CFHR2: variants seen among roughly 807,000 people sequenced by gnomAD.
CFHR2 encodes the protein complement factor H-related protein 2.
CFHR2 carries 22 observed loss-of-function variants against 21.7 expected under a neutral mutation model. The observed-to-expected ratio is 1.01, with a 90% CI of 0.72 to 1.45. The LOEUF is 1.45. Ranked by LOEUF, CFHR2 falls within the 40% of genes most tolerant of loss-of-function variation. The probability of loss-of-function intolerance (pLI) is 0.00; values close to 1 mark genes in which losing one functional copy is unlikely to be tolerated. For missense variants in CFHR2, 294 were observed against 293.3 expected (o/e 1.00, Z -0.02); for synonymous variants, 98 against 97.4 (o/e 1.01, Z -0.04).
intron 1 of CFHR2, among the ~76,000 whole-genome samples, chr1:196,946,998 G>A (rs1158355495): frequency 6.6e-6 from 1 of 152,114 alleles, no homozygotes; most frequent in Non-Finnish European, 1.5e-5. Flanking sequence ...ACACTGCTAT[G>A]TTATGATGGC....
intron 1 of CFHR2, among the ~76,000 whole-genome samples, chr1:196,948,700 TG>T (rs1316333079): frequency 6.6e-6 from 1 of 152,156 alleles, no homozygotes; most frequent in Non-Finnish European, 1.5e-5. Flanking sequence ...GTCTTTTTAT[TG>T]TTTTTTTCCG....
chr1:196,958,816 A>G (rs570454914), intron 4 of CFHR2, 65 bp from the exon 5 acceptor site: 1 of 1,055,300 alleles, frequency 9.5e-7, no homozygotes, highest in South Asian at 1.5e-5. Flanking sequence ...TTCTACTTGA[A>G]AACCTGAGTC....
chr1:196,949,345 C>G, intron 1 of CFHR2, 110 bp from the exon 2 acceptor site: 1 of 1,052,722 alleles, frequency 9.5e-7, no homozygotes, highest in Non-Finnish European at 1.4e-6. Context: ...AAGCTAAAGG[C>G]ATTTAAGCTA....
chr1:196,946,472 A>G (rs1050723821), intron 1 of CFHR2, among the ~76,000 whole-genome samples: 1 of 152,182 alleles, frequency 6.6e-6, no homozygotes, highest in African/African-American at 2.4e-5. Context: ...AGCTTAAAAA[A>G]CATTGTAGAG....
At chr1:196,950,453 T>G (rs1659681968) in intron 2 of CFHR2, among the ~76,000 whole-genome samples, 1 of 151,742 alleles carries the variant, frequency 6.6e-6, no homozygotes, top group African/African-American at 2.4e-5. Context: ...CCTTTTTGGT[T>G]TTTTGTTTGT....
Position 196,959,308 on chromosome 1 carries a change from A to G in CFHR2, c.*228A>G, listed in dbSNP as rs1023008955. The G allele has an allele frequency of 5.1e-5, 22 of 431,332 alleles. No individual in the cohort carries two copies. The highest frequency in any genetic ancestry group is 3.7e-4 in the Admixed American group (9 of 24,176). The allele number at this position is 431,332 out of a possible 1,614,324, so 26.7% of individuals were successfully genotyped here. ...GGAATTGTCTTTTTTTTTCTTTTTAAAAAAATTGACAATAACTGTATATAT... is the reference window on the plus strand; with the variant it reads ...GGAATTGTCTTTTTTTTTCTTTTTAGAAAAATTGACAATAACTGTATATAT... On this transcript the variant is annotated 3_prime_UTR_variant, in exon 5 of 5. Coordinates refer to ENST00000367415, the MANE Select transcript of CFHR2 (RefSeq NM_005666.4).
At chr1:196,953,838 T>G (rs1182256591) in intron 3 of CFHR2, among the ~76,000 whole-genome samples, 1 of 152,216 alleles carries the variant, frequency 6.6e-6, no homozygotes, top group Non-Finnish European at 1.5e-5. Context: ...ATTTCAATTT[T>G]TTGTGTATAC....
At chr1:196,958,204 A>G (rs1652972477) in intron 4 of CFHR2, 131 bp downstream of exon 4, 5 of 737,972 alleles carry the variant, frequency 6.8e-6, no homozygotes, top group African/African-American at 5.5e-5. Flanking sequence ...CCAAATGTCT[A>G]TATGATAGAA....
chr1:196,956,222 C>G lies in CFHR2; in HGVS notation c.431-1669C>G, dbSNP rs182932037. On this transcript the variant is annotated intron_variant, in intron 3 of 4. Transcript: ENST00000367415. ...TGCAATAAATGATGTGAATGCAAAACAGAGCAATCTCAAGTGCTCCAGCTA... is the reference window on the plus strand; with the variant it reads ...TGCAATAAATGATGTGAATGCAAAAGAGAGCAATCTCAAGTGCTCCAGCTA... Among the ~76,000 whole-genome samples the G allele has an allele frequency of 6.7e-3, 1,013 of 152,286 alleles. 13 individuals are homozygous for G. The highest frequency in any genetic ancestry group is 0.023 in the African/African-American group (972 of 41,562).
At chr1:196,949,763 A>T in intron 2 of CFHR2, 114 bp downstream of exon 2, 4 of 1,314,820 alleles carry the variant, frequency 3.0e-6, no homozygotes, top group Non-Finnish European at 4.3e-6. Flanking sequence ...AGGAGCTGGA[A>T]AGATGGGAGA....
rs140462951 is a variant in CFHR2, at chr1:196,946,607, A to G, written c.58+2669A>G. Reference sequence around the variant, plus strand: ...AGACACAAACACACATATTAACCTCAGCCTACAAAGGGTTAGGATCATCAG... The same window carrying G: ...AGACACAAACACACATATTAACCTCGGCCTACAAAGGGTTAGGATCATCAG... On this transcript the variant is annotated intron_variant, in intron 1 of 4. Coordinates refer to ENST00000367415, the MANE Select transcript of CFHR2 (RefSeq NM_005666.4). 7.6e-3 allele frequency among the ~76,000 whole-genome samples: 1,157 copies of G among 152,254 alleles called. 18 individuals carry two copies. Among genetic ancestry groups the G allele is most frequent in the African/African-American group, 0.027 (1,105 of 41,552 alleles).
At chr1:196,957,031 T>C (rs964918145) in intron 3 of CFHR2, among the ~76,000 whole-genome samples, 15 of 152,228 alleles carry the variant, frequency 9.9e-5, no homozygotes, top group African/African-American at 2.9e-4. Flanking sequence ...TATCTAGAAG[T>C]GTGGAGGGTG....
intron 2 of CFHR2, among the ~76,000 whole-genome samples, chr1:196,950,325 A>G (rs972290332): frequency 6.6e-5 from 10 of 152,136 alleles, no homozygotes; most frequent in African/African-American, 2.4e-4. Context: ...AACAACATGA[A>G]ATATTTTCTT....
At chr1:196,946,853 A>G (rs1659514269) in intron 1 of CFHR2, among the ~76,000 whole-genome samples, 1 of 152,130 alleles carries the variant, frequency 6.6e-6, no homozygotes. Context: ...AAATACATTA[A>G]CCAGTAACAC....
intron 3 of CFHR2, among the ~76,000 whole-genome samples, chr1:196,957,143 A>G (rs957566575): frequency 6.6e-6 from 1 of 152,118 alleles, no homozygotes; most frequent in Non-Finnish European, 1.5e-5. Context: ...GGGTATAGAA[A>G]GTAGGCTCTT....
At chr1:196,951,313 G>A (rs556459006) in intron 3 of CFHR2, among the ~76,000 whole-genome samples, 2 of 152,206 alleles carry the variant, frequency 1.3e-5, no homozygotes, top group South Asian at 2.1e-4. Context: ...TTATAGTATC[G>A]GGTTAGTTGA....
intron 3 of CFHR2, among the ~76,000 whole-genome samples, chr1:196,955,964 G>A (rs982818283): frequency 2.0e-5 from 3 of 152,122 alleles, no homozygotes; most frequent in Non-Finnish European, 2.9e-5. Flanking sequence ...TTCTTCACAA[G>A]GCAGCAGGAG....
intron 4 of CFHR2, 124 bp downstream of exon 4, chr1:196,958,197 A>G (rs2125015624): frequency 1.1e-6 from 1 of 912,218 alleles, no homozygotes; most frequent in East Asian, 2.6e-5. Context: ...TTGCCTACCA[A>G]ATGTCTATAT....
chr1:196,945,086 G>C lies in CFHR2; in HGVS notation c.58+1148G>C, dbSNP rs1346294622. The stretch of plus-strand genomic sequence containing the variant: ...AGATGGGGTTTCTCCATGTTGGTCA[G>C]GCTGGTCTCGAACTCCCGACCTCAG... On this transcript the variant is annotated intron_variant, in intron 1 of 4. Coordinates refer to ENST00000367415, the MANE Select transcript of CFHR2 (RefSeq NM_005666.4). 2.1e-5 allele frequency among the ~76,000 whole-genome samples: 3 copies of C among 144,846 alleles called. 1 individual carries two copies. The Admixed American group carries it at 2.1e-4, about 10-fold the overall frequency.
Sources: allele counts gnomAD v4.1 joint callset (sites outside exome capture counted in the v4.1 genomes callset), GRCh38; gene constraint gnomAD v4.1.1; transcripts MANE v1.5; gene names NCBI Gene and HGNC (gene_info 2026-07-23, HGNC 2026-07-21).